FAM135B: variants seen among roughly 807,000 people sequenced by gnomAD.
FAM135B encodes the protein family with sequence similarity 135 member B.
Under a neutral mutation model 127.7 loss-of-function variants are expected in FAM135B, and 43 were observed. The observed-to-expected ratio is 0.34, with a 90% CI of 0.26 to 0.43. The LOEUF (loss-of-function observed/expected upper bound fraction) is 0.43, where lower values mean the gene tolerates loss of function less well. Ranked by LOEUF, FAM135B falls within the 20% of genes least tolerant of loss-of-function variation. The pLI is 1.00. For missense variants in FAM135B, 1,558 were observed against 1,725.6 expected (o/e 0.90, Z 1.72); for synonymous variants, 670 against 665.1 (o/e 1.01, Z -0.11).
At chr8:138,236,712 T>G (rs1428848867) in intron 7 of FAM135B, among the ~76,000 whole-genome samples, 1 of 152,210 alleles carries the variant, frequency 6.6e-6, no homozygotes, top group Non-Finnish European at 1.5e-5. Flanking sequence ...ACCAGCATAT[T>G]TGATGTAAAG....
intron 12 of FAM135B, among the ~76,000 whole-genome samples, chr8:138,155,518 A>T (rs995653939): frequency 1.3e-5 from 2 of 152,196 alleles, no homozygotes; most frequent in Non-Finnish European, 2.9e-5. Context: ...ATAAAGAGTC[A>T]AGACCCATCA....
intron 13 of FAM135B, among the ~76,000 whole-genome samples, chr8:138,150,666 C>CAAAA (rs386361029): frequency 0.018 from 825 of 44,782 alleles, 2 homozygotes; most frequent in African/African-American, 0.046. Context: ...GACTCTGTCT[C>CAAAA]AATAAATAAA....
rs2130758475 is a variant in FAM135B, at chr8:138,152,154, G to T, written c.2321C>A (p.Pro774His). Reference sequence around the variant, plus strand: ...AGCCTCCTCTGGGCTACTGATGTGGGGAGCAGATACAGACTTGGTTAACTT... The same window carrying T: ...AGCCTCCTCTGGGCTACTGATGTGGTGAGCAGATACAGACTTGGTTAACTT... ...LTKLTKSVSA[P>H]HISSPEEAAE... Residue 774 changes from proline to histidine, a missense_variant, in exon 13 of 20, where the codon CCC becomes CAC. Around this residue, in one of 5 missense-constraint regions of FAM135B, gnomAD observed 923 missense variants for 865.3 expected, o/e 1.07. Transcript: ENST00000395297. 6.2e-7 allele frequency: 1 copy of T among 1,613,946 alleles called. No homozygotes were observed. The highest frequency in any genetic ancestry group is 8.5e-7 in the Non-Finnish European group (1 of 1,180,012).
chr8:138,405,757 C>T (rs1036248930), intron 1 of FAM135B, among the ~76,000 whole-genome samples: 3 of 152,042 alleles, frequency 2.0e-5, no homozygotes, highest in East Asian at 1.9e-4. Context: ...ACAAATGGTA[C>T]TTCTAGTTCT....
At chr8:138,446,385 C>A (rs367862885) in intron 1 of FAM135B, among the ~76,000 whole-genome samples, 1 of 151,896 alleles carries the variant, frequency 6.6e-6, no homozygotes, top group African/African-American at 2.4e-5. Flanking sequence ...GGAGGCATCA[C>A]GCTACCTGAC....
At chr8:138,488,417 A>C (rs1815068508) in intron 1 of FAM135B, among the ~76,000 whole-genome samples, 1 of 151,514 alleles carries the variant, frequency 6.6e-6, no homozygotes, top group Non-Finnish European at 1.5e-5. Context: ...ATGATAATGA[A>C]TTCTTTTGAG....
chr8:138,257,407 G>GAA (rs5895506), intron 4 of FAM135B, among the ~76,000 whole-genome samples: 35 of 148,164 alleles, frequency 2.4e-4, no homozygotes, highest in African/African-American at 7.6e-4. Flanking sequence ...TTTGCTTTAA[G>GAA]AAAAAAAAAA....
intron 9 of FAM135B, among the ~76,000 whole-genome samples, chr8:138,185,435 G>A (rs1292449254): frequency 7.2e-5 from 11 of 152,098 alleles, no homozygotes; most frequent in Admixed American, 5.2e-4. Context: ...CTAGAATCAC[G>A]GACTTCAAAA....
At chr8:138,384,996 T>G (rs1832102089) in intron 1 of FAM135B, among the ~76,000 whole-genome samples, 1 of 152,144 alleles carries the variant, frequency 6.6e-6, no homozygotes, top group African/African-American at 2.4e-5. Flanking sequence ...GCCAACGCAG[T>G]CTGATATAAT....
chr8:138,329,403 G>C (rs1027822042), intron 2 of FAM135B, among the ~76,000 whole-genome samples: 7 of 152,146 alleles, frequency 4.6e-5, no homozygotes, highest in Admixed American at 1.3e-4. Flanking sequence ...AAAACTCCCA[G>C]GTGTCTGAAG....
chr8:138,205,998 C>T (rs976241930), intron 7 of FAM135B, among the ~76,000 whole-genome samples: 2 of 151,666 alleles, frequency 1.3e-5, no homozygotes, highest in Non-Finnish European at 2.9e-5. Context: ...CTCAGCATCA[C>T]CTCGACCTAT....
intron 1 of FAM135B, among the ~76,000 whole-genome samples, chr8:138,431,642 TC>T (rs1835191710): frequency 6.6e-6 from 1 of 152,210 alleles, no homozygotes; most frequent in African/African-American, 2.4e-5. Flanking sequence ...GAAAACTTTT[TC>T]CAATCCCTGT....
intron 1 of FAM135B, among the ~76,000 whole-genome samples, chr8:138,469,591 G>A (rs572308307): frequency 1.3e-5 from 2 of 152,312 alleles, no homozygotes; most frequent in South Asian, 4.1e-4. Context: ...CTGATACCAA[G>A]AGATGGTTAC....
intron 1 of FAM135B, among the ~76,000 whole-genome samples, chr8:138,476,782 A>T (rs1342128312): frequency 6.6e-6 from 1 of 152,170 alleles, no homozygotes. Context: ...CCACTGGATA[A>T]ATTTTCTAAG....
intron 2 of FAM135B, among the ~76,000 whole-genome samples, chr8:138,341,975 T>C (rs1829080675): frequency 6.6e-6 from 1 of 152,236 alleles, no homozygotes; most frequent in African/African-American, 2.4e-5. Flanking sequence ...GTCACTTAAG[T>C]CCTGGACCAA....
intron 1 of FAM135B, chr8:138,438,280 G>C (rs7000597): frequency 2.0e-5 from 3 of 152,042 alleles, no homozygotes; most frequent in Non-Finnish European, 4.4e-5. Flanking sequence ...AGAAGGTGCC[G>C]GGTGGCTATT....
intron 3 of FAM135B, among the ~76,000 whole-genome samples, chr8:138,295,905 A>C (rs1263259024): frequency 6.6e-6 from 1 of 152,132 alleles, no homozygotes; most frequent in Non-Finnish European, 1.5e-5. Flanking sequence ...TGAGGGGCAA[A>C]AGCACATTTG....
At chr8:138,172,353 C>A (rs150176566) in intron 11 of FAM135B, among the ~76,000 whole-genome samples, 1 of 152,224 alleles carries the variant, frequency 6.6e-6, no homozygotes, top group African/African-American at 2.4e-5. Flanking sequence ...AGCATTCAGG[C>A]TGTGTCTGGC....
intron 1 of FAM135B, among the ~76,000 whole-genome samples, chr8:138,493,540 C>T (rs1815279470): frequency 6.6e-6 from 1 of 152,158 alleles, no homozygotes. Flanking sequence ...ATTTGCCTAT[C>T]TATCTTGAAA....
Sources: gnomAD v4.1 joint callset for allele counts (sites outside exome capture counted in the v4.1 genomes callset) on GRCh38, gnomAD v4.1.1 for gene constraint, gnomAD v4.1.1 regional missense constraint, MANE v1.5 for transcripts, NCBI Gene and HGNC (gene_info 2026-07-23, HGNC 2026-07-21) for gene names.